Variants in ROS1 observed in about 807,000 individuals in gnomAD.
ROS1 encodes the protein ROS proto-oncogene 1, receptor tyrosine kinase.
In ROS1, 263 loss-of-function variants were observed where a neutral mutation model predicts 273.5. That is an observed-to-expected ratio of 0.96 (90% CI 0.87 to 1.06). The LOEUF (loss-of-function observed/expected upper bound fraction) is 1.06, where lower values mean the gene tolerates loss of function less well. Among genes scored for constraint, ROS1 ranks in the 50% least tolerant of loss-of-function variants. The pLI, the probability that ROS1 is intolerant of heterozygous loss-of-function variation, is 0.00. For synonymous variants in ROS1, 1,008 were observed against 954.1 expected, an observed-to-expected ratio of 1.06 and a Z score of -1.04; for missense variants, 2,833 against 2,751.1, an observed-to-expected ratio of 1.03 and a Z score of -0.67.
intron 14 of ROS1, among the ~76,000 whole-genome samples, chr6:117,387,531 TA>T (rs1477706963): frequency 3.9e-5 from 6 of 152,176 alleles, no homozygotes; most frequent in Admixed American, 2.6e-4. Flanking sequence ...AGTGTTTCCT[TA>T]AAAAATATCT....
intron 22 of ROS1, among the ~76,000 whole-genome samples, 177 bp downstream of exon 22, chr6:117,362,426 C>G (rs187641328): frequency 7.2e-5 from 11 of 152,198 alleles, no homozygotes; most frequent in Non-Finnish European, 1.3e-4. Context: ...ACTTTAGTCA[C>G]TCTTATCTGA....
chr6:117,391,205 T>G (rs774085000), intron 12 of ROS1, among the ~76,000 whole-genome samples: 3 of 152,228 alleles, frequency 2.0e-5, no homozygotes, highest in Admixed American at 2.0e-4. Context: ...GCTATGTTCT[T>G]TTCCCTGAGG....
intron 7 of ROS1, among the ~76,000 whole-genome samples, chr6:117,400,979 C>T (rs1773885864): frequency 6.6e-6 from 1 of 152,214 alleles, no homozygotes; most frequent in African/African-American, 2.4e-5. Flanking sequence ...CAAAACAGAA[C>T]TGACGATTTT....
At chr6:117,348,294 T>C (rs1778539083) in intron 27 of ROS1, among the ~76,000 whole-genome samples, 1 of 152,034 alleles carries the variant, frequency 6.6e-6, no homozygotes, top group Admixed American at 6.6e-5. Flanking sequence ...TGTCTATTTC[T>C]TCTTCTGTGA....
In ROS1 at chr6:117,341,544, T is replaced by A; in HGVS notation, c.4740A>T (p.Gly1580=). 6.2e-7 allele frequency: 1 copy of A among 1,613,772 alleles called. No individual in the cohort carries two copies. The highest frequency in any genetic ancestry group is 8.5e-7 in the Non-Finnish European group (1 of 1,179,762). The change falls in exon 30 of 44, where the codon GGA becomes GGT. Residue 1580 remains glycine, a synonymous_variant. Transcript: ENST00000368507. ...ISWRESHKPN[G]PKESVRYQLA... is the part of the protein sequence containing the mutation. The stretch of plus-strand genomic sequence containing the variant: ...ACTGATAACGGACTGATTCTTTAGG[T>A]CCATTTGGCTTGTGAGATTCTCTCC...
chr6:117,425,431 A>G, intron 1 of ROS1, 103 bp downstream of exon 1: 1 of 1,225,756 alleles, frequency 8.2e-7, no homozygotes, highest in Non-Finnish European at 1.1e-6. Flanking sequence ...CACTTCTCAT[A>G]AGAAAACTCC....
chr6:117,365,794 C>A (rs1562320694), intron 19 of ROS1, 53 bp from the exon 20 acceptor site: 1 of 1,335,944 alleles, frequency 7.5e-7, no homozygotes, highest in Admixed American at 2.7e-5. Context: ...GGATTATTGA[C>A]CAATATAGAA....
At chr6:117,387,280 A>T (rs1246366218) in intron 14 of ROS1, among the ~76,000 whole-genome samples, 1 of 152,032 alleles carries the variant, frequency 6.6e-6, no homozygotes, top group African/African-American at 2.4e-5. Flanking sequence ...TCATTGCAGA[A>T]TTTTTTTTGA....
At chr6:117,418,541 T>C in intron 1 of ROS1, 35 bp from the exon 2 acceptor site, 1 of 1,554,706 alleles carries the variant, frequency 6.4e-7, no homozygotes, top group South Asian at 1.2e-5. Flanking sequence ...ACACCAGCCA[T>C]CAGTACTGGG....
rs1328349661 is a variant in ROS1 at position 117,366,203 on chromosome 6, C to A, written c.2670G>T (p.Leu890=). ...TAATCCTAAAGCCATTGATCCAGAA[C>A]AGCCGACCACTATAGTACATCAGTG... ...QNALMYYSGR[L]FWINGFRIIT... The change falls in exon 19 of 44, where the codon CTG becomes CTT. Residue 890 remains leucine (L), a synonymous_variant. Transcript: ENST00000368507. The A allele has an allele frequency of 6.2e-6, 10 of 1,613,952 alleles. No individual in the cohort carries two copies. The highest frequency in any genetic ancestry group is 8.5e-6 in the Non-Finnish European group (10 of 1,179,986).
rs1371571103 is a variant in ROS1, at chr6:117,409,995, T to A, written c.256-353A>T. Among the ~76,000 whole-genome samples, 3 of 152,226 alleles carry A rather than the reference T, an allele frequency of 2.0e-5. No homozygotes were observed. The East Asian group carries it at 5.8e-4, about 29-fold the overall frequency. On this transcript the variant is annotated intron_variant, in intron 4 of 43. Coordinates refer to ENST00000368507, the MANE Select transcript of ROS1 (RefSeq NM_001378902.1). ...TTTTAGAAGTTTTATTGAAATATAT[T>A]CACCTGCCATAAACTCACGTATTTA... is the stretch of plus-strand genomic sequence containing the variant.
Position 117,366,230 on chromosome 6 carries a change from A to T in ROS1, c.2643T>A (p.Asn881Lys). ...AAWSTSEISQ[N>K]ALMYYSGRLF... Reference sequence around the variant, plus strand: ...GCCGACCACTATAGTACATCAGTGCATTCTGGGAAATTTCAGAAGTACTCC... The same window carrying T: ...GCCGACCACTATAGTACATCAGTGCTTTCTGGGAAATTTCAGAAGTACTCC... Residue 881 changes from asparagine to lysine, a missense_variant, in exon 19 of 44, where the codon AAT becomes AAA. By Grantham distance (94) the Asn-to-Lys change is moderately conservative. Transcript: ENST00000368507. 8 of 1,614,112 alleles carry T rather than the reference A, an allele frequency of 5.0e-6. No individual in the cohort carries two copies. Among genetic ancestry groups the T allele is most frequent in the Non-Finnish European group, 6.8e-6 (8 of 1,179,988 alleles).
intron 18 of ROS1, among the ~76,000 whole-genome samples, chr6:117,370,363 C>A (rs1166263022): frequency 6.6e-6 from 1 of 152,096 alleles, no homozygotes; most frequent in Non-Finnish European, 1.5e-5. Flanking sequence ...TTTTGCTTTA[C>A]TTTAATCACT....
At chr6:117,289,613 C>T (rs528179981) in intron 43 of ROS1, among the ~76,000 whole-genome samples, 1 of 152,270 alleles carries the variant, frequency 6.6e-6, no homozygotes, top group East Asian at 1.9e-4. Flanking sequence ...TTTTTGCAGA[C>T]CCTCCGAACT....
intron 7 of ROS1, among the ~76,000 whole-genome samples, chr6:117,401,320 T>A (rs1773912459): frequency 6.6e-6 from 1 of 152,066 alleles, no homozygotes; most frequent in Non-Finnish European, 1.5e-5. Context: ...AACAAGTCCC[T>A]CCCCTCCTTA....
intron 12 of ROS1, 112 bp from the exon 13 acceptor site, chr6:117,389,958 T>G: frequency 2.1e-6 from 2 of 939,068 alleles, no homozygotes; most frequent in Non-Finnish European, 3.2e-6. Context: ...ATCTCTGATG[T>G]TGCTAAGTAC....
chr6:117,354,321 C>T (rs1386669136), intron 26 of ROS1, among the ~76,000 whole-genome samples: 2 of 151,906 alleles, frequency 1.3e-5, no homozygotes, highest in African/African-American at 4.8e-5. Flanking sequence ...CCACTGCACT[C>T]CAGCCTGGGC....
At chr6:117,334,716 A>G (rs1777336934) in intron 32 of ROS1, among the ~76,000 whole-genome samples, 1 of 152,186 alleles carries the variant, frequency 6.6e-6, no homozygotes, top group South Asian at 2.1e-4. Context: ...ATCTTTGACA[A>G]ACCTAACAAA....
At chr6:117,330,797 A>T (rs186996451) in intron 32 of ROS1, among the ~76,000 whole-genome samples, 64 of 150,598 alleles carry the variant, frequency 4.2e-4, no homozygotes, top group African/African-American at 1.5e-3. Flanking sequence ...ATCATCATCA[A>T]CAACAACAAC....
Sources: gnomAD v4.1 joint callset for allele counts (sites outside exome capture counted in the v4.1 genomes callset) on GRCh38, gnomAD v4.1.1 for gene constraint, MANE v1.5 for transcripts, NCBI Gene and HGNC (gene_info 2026-07-23, HGNC 2026-07-21) for gene names.